Variants in GALNT13 observed in about 807,000 individuals in gnomAD.
The protein encoded by GALNT13 is UDP-GalNAc:polypeptide N-acetylgalactosaminyltransferase 13.
A neutral mutation model predicts 64.2 loss-of-function variants in GALNT13; 28 were observed. That is an observed-to-expected ratio of 0.44 (90% CI 0.32 to 0.60). The LOEUF is 0.60. GALNT13 is among the 20% of genes least tolerant of loss of function. The pLI, the probability that GALNT13 is intolerant of heterozygous loss-of-function variation, is 0.05. For synonymous variants in GALNT13, 214 were observed against 224.6 expected (o/e 0.95, Z 0.42); for missense variants, 577 against 669.8 (o/e 0.86, Z 1.53).
the GALNT13 span, among the ~76,000 whole-genome samples, chr2:153,127,960 G>A: frequency 6.6e-6 from 1 of 152,240 alleles, no homozygotes; most frequent in African/African-American, 2.4e-5. Context: ...GATTACAATA[G>A]CCATAAGAGT....
chr2:154,065,373 T>C (rs1361500022), intron 3 of GALNT13, among the ~76,000 whole-genome samples: 1 of 152,146 alleles, frequency 6.6e-6, no homozygotes, highest in Non-Finnish European at 1.5e-5. Context: ...CTTTGGACCT[T>C]GAGCAAACAT....
the GALNT13 span, among the ~76,000 whole-genome samples, chr2:153,731,098 TTGTG>T: frequency 1.3e-5 from 2 of 151,218 alleles, no homozygotes; most frequent in Non-Finnish European, 3.0e-5. Flanking sequence ...CTGTATATGT[TTGTG>T]TGTGTGTGAA....
chr2:153,607,962 T>C, the GALNT13 span, among the ~76,000 whole-genome samples: 3 of 152,152 alleles, frequency 2.0e-5, no homozygotes, highest in Non-Finnish European at 4.4e-5. Context: ...TATATGTAAG[T>C]ATATTTTCCG....
At chr2:153,403,258 A>G in the GALNT13 span, among the ~76,000 whole-genome samples, 1 of 150,868 alleles carries the variant, frequency 6.6e-6, no homozygotes, top group African/African-American at 2.4e-5. Flanking sequence ...GGGGTCAGGG[A>G]CCCACTTGAG....
intron 9 of GALNT13, among the ~76,000 whole-genome samples, chr2:154,370,568 T>G (rs138510938): frequency 7.3e-4 from 111 of 152,224 alleles, no homozygotes; most frequent in Non-Finnish European, 1.3e-3. Flanking sequence ...CTTCTAAGTT[T>G]CTTATGAGCT....
At chr2:154,243,585 CTT>C (rs760882837) in intron 6 of GALNT13, among the ~76,000 whole-genome samples, 6 of 152,144 alleles carry the variant, frequency 3.9e-5, no homozygotes, top group Non-Finnish European at 8.8e-5. Context: ...ATAAATAACA[CTT>C]ATAGAAATTA....
the GALNT13 span, among the ~76,000 whole-genome samples, chr2:153,261,987 C>T: frequency 2.6e-5 from 4 of 152,246 alleles, no homozygotes; most frequent in African/African-American, 9.6e-5. Context: ...AGGGACTGTA[C>T]AAAAATGCCA....
chr2:153,443,376 A>G, the GALNT13 span, among the ~76,000 whole-genome samples: 3 of 152,174 alleles, frequency 2.0e-5, no homozygotes, highest in African/African-American at 7.2e-5. Context: ...TGTGGGCTGC[A>G]CCCAGTGTCT....
intron 3 of GALNT13, among the ~76,000 whole-genome samples, chr2:154,053,608 C>T (rs1211892292): frequency 6.6e-6 from 1 of 152,070 alleles, no homozygotes; most frequent in Non-Finnish European, 1.5e-5. Context: ...ACAATAGTGC[C>T]TTAAGCTCCT....
intron 9 of GALNT13, among the ~76,000 whole-genome samples, chr2:154,334,449 T>G (rs1489320962): frequency 6.6e-6 from 1 of 152,050 alleles, no homozygotes; most frequent in East Asian, 1.9e-4. Context: ...TACAGAAATT[T>G]TTAAGCTGTA....
At chr2:154,167,287 G>A (rs1438290981) in intron 4 of GALNT13, among the ~76,000 whole-genome samples, 1 of 152,088 alleles carries the variant, frequency 6.6e-6, no homozygotes, top group Non-Finnish European at 1.5e-5. Flanking sequence ...AAAGTGAAAA[G>A]TACACAGAAA....
At chr2:154,020,865 A>G (rs1470647274) in intron 3 of GALNT13, among the ~76,000 whole-genome samples, 1 of 151,994 alleles carries the variant, frequency 6.6e-6, no homozygotes, top group Non-Finnish European at 1.5e-5. Flanking sequence ...TCCATCTTGA[A>G]TTAATTTTTG....
At chr2:154,147,708 T>A (rs865953738) in intron 4 of GALNT13, among the ~76,000 whole-genome samples, 81 of 152,084 alleles carry the variant, frequency 5.3e-4, no homozygotes, top group African/African-American at 2.0e-3. Context: ...ACCTATTTGT[T>A]TGTTTGTTTT....
chr2:153,710,064 A>G, the GALNT13 span, among the ~76,000 whole-genome samples: 1,267 of 152,178 alleles, frequency 8.3e-3, 13 homozygotes, highest in African/African-American at 0.029. Context: ...TCTATCGCAC[A>G]GCATGGTGAA....
At chr2:153,644,189 C>T in the GALNT13 span, among the ~76,000 whole-genome samples, 1 of 151,926 alleles carries the variant, frequency 6.6e-6, no homozygotes, top group African/African-American at 2.4e-5. Context: ...AATAAAAATG[C>T]TGGCTATAAG....
At position 154,145,048 on chromosome 2, in the gene GALNT13, TTCTCTC is replaced by T. The variant is rs3075862; in HGVS notation, c.311+4563_311+4568del. 4.9e-3 allele frequency among the ~76,000 whole-genome samples: 528 copies of T among 106,682 alleles called. 3 individuals are homozygous for T. The highest frequency in any genetic ancestry group is 0.015 in the African/African-American group (485 of 31,446). The allele number at this position is 106,682 out of a possible 152,430, so 70.0% of individuals were successfully genotyped here. Reference sequence around the variant, plus strand: ...CTTCATTCCTGGGATATTTATGTAGTTCTCTCTCTCTCTCTCTCTCTCTCTATCTAT... The same window carrying T: ...CTTCATTCCTGGGATATTTATGTAGTTCTCTCTCTCTCTCTCTCTATCTAT... On this transcript the variant is annotated intron_variant, in intron 4 of 12. Coordinates refer to ENST00000392825, the MANE Select transcript of GALNT13 (RefSeq NM_052917.4).
At chr2:153,549,669 T>G in the GALNT13 span, among the ~76,000 whole-genome samples, 1 of 152,164 alleles carries the variant, frequency 6.6e-6, no homozygotes, top group South Asian at 2.1e-4. Flanking sequence ...AGCAACAAGC[T>G]TTTCATGCAG....
At chr2:154,415,126 C>T (rs541094074) in intron 11 of GALNT13, among the ~76,000 whole-genome samples, 1 of 144,814 alleles carries the variant, frequency 6.9e-6, no homozygotes, top group Non-Finnish European at 1.6e-5. Flanking sequence ...GTAGCAAAAC[C>T]CCATCTCTAG....
intron 8 of GALNT13, among the ~76,000 whole-genome samples, chr2:154,285,264 T>G (rs188273457): frequency 3.8e-4 from 58 of 152,298 alleles, no homozygotes; most frequent in Non-Finnish European, 5.9e-4. Flanking sequence ...GCCTATACTT[T>G]TGGAGTCCTA....
Sources: allele counts gnomAD v4.1 joint callset (sites outside exome capture counted in the v4.1 genomes callset), GRCh38; gene constraint gnomAD v4.1.1; transcripts MANE v1.5; gene names NCBI Gene and HGNC (gene_info 2026-07-23, HGNC 2026-07-21).